CCDC3: variants seen among roughly 807,000 people sequenced by gnomAD.
CCDC3 encodes coiled-coil domain containing 3, also known as coiled-coil domain-containing protein 3.
A neutral mutation model predicts 21.4 loss-of-function variants in CCDC3; 24 were observed. The observed-to-expected ratio is 1.12, with a 90% confidence interval of 0.81 to 1.58. CCDC3 has a LOEUF of 1.58. CCDC3 is among the 40% of genes most tolerant of loss of function. The probability of loss-of-function intolerance (pLI) is 0.00; values close to 1 mark genes in which losing one functional copy is unlikely to be tolerated. For synonymous variants in CCDC3, 186 were observed against 166.0 expected (o/e 1.12, Z -0.93); for missense variants, 425 against 360.9 (o/e 1.18, Z -1.44).
In CCDC3 at chr10:12,986,645, A is replaced by G. The variant is rs571792272; in HGVS notation, c.549+11693T>C. On this transcript the variant is annotated intron_variant, in intron 2 of 2. Coordinates refer to ENST00000378825, the MANE Select transcript of CCDC3 (RefSeq NM_031455.4). ...AAAAATTAGCTGGGCGTGGTGGCGG[A>G]CGCCTGTAGTCCCAGCTACTCGGGA... 6.2e-3 allele frequency among the ~76,000 whole-genome samples: 945 copies of G among 151,986 alleles called. 5 individuals carry two copies. Among genetic ancestry groups the G allele is most frequent in the Admixed American group, 8.8e-3 (134 of 15,276 alleles).
At chr10:13,003,273 T>C (rs956515564), upstream of CCDC3, among the ~76,000 whole-genome samples, 7 of 152,242 alleles carry the variant, frequency 4.6e-5, no homozygotes, top group African/African-American at 1.7e-4. Flanking sequence ...ACTGTACATA[T>C]GTCATCTTAA....
chr10:12,931,318 C>T (rs1246776107), intron 2 of CCDC3, among the ~76,000 whole-genome samples: 1 of 151,350 alleles, frequency 6.6e-6, no homozygotes, highest in Non-Finnish European at 1.5e-5. Context: ...GTTTTAATTT[C>T]TAATTAACTA....
chr10:12,929,200 C>T (rs1037484395), intron 2 of CCDC3, among the ~76,000 whole-genome samples: 4 of 144,566 alleles, frequency 2.8e-5, no homozygotes, highest in South Asian at 2.2e-4. Context: ...GGGTGGAGGT[C>T]GCAGTGAGCC....
At chr10:12,900,295 A>C (rs7900033) in intron 2 of CCDC3, among the ~76,000 whole-genome samples, 3 of 151,892 alleles carry the variant, frequency 2.0e-5, no homozygotes, top group Non-Finnish European at 4.4e-5. Context: ...GTATTCTCCA[A>C]TCTTTCTCCT....
chr10:12,961,016 C>G (rs772385466), intron 2 of CCDC3, among the ~76,000 whole-genome samples: 1 of 152,140 alleles, frequency 6.6e-6, no homozygotes. Flanking sequence ...AGAGTAGTGC[C>G]AACAACAGGG....
At chr10:13,033,432 C>T (rs560097414) in intron 5 of CCDC3, among the ~76,000 whole-genome samples, 27 of 152,126 alleles carry the variant, frequency 1.8e-4, no homozygotes, top group African/African-American at 3.4e-4. Context: ...TAGGCATGGG[C>T]GAGGACTTCA....
At chr10:12,948,966 C>T (rs149292644) in intron 2 of CCDC3, among the ~76,000 whole-genome samples, 19 of 152,070 alleles carry the variant, frequency 1.2e-4, no homozygotes, top group Middle Eastern at 3.4e-3. Flanking sequence ...CTCCTGACCT[C>T]GTGATCCACC....
At chr10:13,066,879 TC>T (rs1362300948) in intron 4 of CCDC3, among the ~76,000 whole-genome samples, 1 of 152,114 alleles carries the variant, frequency 6.6e-6, no homozygotes, top group Non-Finnish European at 1.5e-5. Context: ...TTTGTTTTTT[TC>T]CCTTTTCGCC....
At chr10:12,971,301 T>G (rs2131264763) in intron 2 of CCDC3, among the ~76,000 whole-genome samples, 1 of 152,332 alleles carries the variant, frequency 6.6e-6, no homozygotes, top group East Asian at 1.9e-4. Flanking sequence ...AACATGCATG[T>G]GGCTTCTATC....
intron 5 of CCDC3, among the ~76,000 whole-genome samples, chr10:13,036,640 A>T (rs937152862): frequency 1.3e-5 from 2 of 151,894 alleles, no homozygotes; most frequent in African/African-American, 4.8e-5. Flanking sequence ...GCACGCCACC[A>T]TGCCCAGCTA....
chr10:13,080,689 G>A (rs1187212818), intron 3 of CCDC3, among the ~76,000 whole-genome samples: 3 of 152,208 alleles, frequency 2.0e-5, no homozygotes, highest in South Asian at 2.1e-4. Flanking sequence ...GCCCTCCAGC[G>A]CAGAGTTAAT....
At chr10:12,899,808 G>A (rs530408602) in intron 2 of CCDC3, among the ~76,000 whole-genome samples, 3 of 152,296 alleles carry the variant, frequency 2.0e-5, no homozygotes, top group African/African-American at 4.8e-5. Flanking sequence ...GGCCATATCC[G>A]GGGAGCAGAG....
At chr10:13,002,987 C>A (rs1162828289), upstream of CCDC3, among the ~76,000 whole-genome samples, 5 of 152,184 alleles carry the variant, frequency 3.3e-5, no homozygotes, top group African/African-American at 1.2e-4. Context: ...ACCCTTATGT[C>A]CTCATTTAAT....
intron 2 of CCDC3, among the ~76,000 whole-genome samples, chr10:12,927,839 T>C (rs1834570013): frequency 6.6e-6 from 1 of 152,224 alleles, no homozygotes; most frequent in Non-Finnish European, 1.5e-5. Context: ...CAATTGCAAG[T>C]GAAATTCAGT....
chr10:13,017,986 T>A (rs568670769), intron 5 of CCDC3, among the ~76,000 whole-genome samples: 1 of 152,098 alleles, frequency 6.6e-6, no homozygotes, highest in Non-Finnish European at 1.5e-5. Context: ...GGTGGGTCCC[T>A]AAAATGCCAA....
chr10:13,054,076 G>C (rs34840631), intron 4 of CCDC3, among the ~76,000 whole-genome samples: 35,770 of 150,468 alleles, frequency 0.24, 4,400 homozygotes, highest in Admixed American at 0.27. Flanking sequence ...ACCCAGGAGG[G>C]GCAGGTTGCA....
At chr10:13,077,169 A>G (rs1319507345) in intron 3 of CCDC3, among the ~76,000 whole-genome samples, 1 of 152,246 alleles carries the variant, frequency 6.6e-6, no homozygotes, top group Non-Finnish European at 1.5e-5. Flanking sequence ...AAATCTCAGG[A>G]TACAAAATCA....
chr10:12,924,817 G>A (rs1834508594), intron 2 of CCDC3: 1 of 152,188 alleles, frequency 6.6e-6, no homozygotes. Flanking sequence ...TGTTCTGTGT[G>A]TATATAAATG....
intron 4 of CCDC3, among the ~76,000 whole-genome samples, chr10:13,050,833 C>T (rs933768815): frequency 6.6e-6 from 1 of 152,104 alleles, no homozygotes; most frequent in Non-Finnish European, 1.5e-5. Flanking sequence ...GTAACCCAGG[C>T]TGGAGTGCAG....
Sources: allele counts gnomAD v4.1 joint callset (sites outside exome capture counted in the v4.1 genomes callset), GRCh38; gene constraint gnomAD v4.1.1; transcripts MANE v1.5; gene names NCBI Gene and HGNC (gene_info 2026-07-23, HGNC 2026-07-21).